Variants in PDE4D observed in about 807,000 individuals in gnomAD.
The protein encoded by PDE4D is 3',5'-cyclic-AMP phosphodiesterase 4D.
In PDE4D, 24 loss-of-function variants were observed where a neutral mutation model predicts 87.4. The ratio of observed to expected loss-of-function variants is 0.27; its 90% CI spans 0.20 to 0.39. PDE4D has a LOEUF of 0.39. Among genes scored for constraint, PDE4D ranks in the 10% least tolerant of loss-of-function variants. The pLI is 1.00. For missense variants in PDE4D, 714 were observed against 1,041.0 expected (o/e 0.69, Z 4.32); for synonymous variants, 384 against 383.2 (o/e 1.00, Z -0.02).
chr5:59,852,447 G>T (rs556563521), intron 1 of PDE4D, among the ~76,000 whole-genome samples: 1 of 152,138 alleles, frequency 6.6e-6, no homozygotes, highest in Admixed American at 6.5e-5. Flanking sequence ...GCTGCCCCAT[G>T]GAGAAGACCA....
intron 1 of PDE4D, among the ~76,000 whole-genome samples, chr5:60,197,025 A>T (rs1741295669): frequency 1.4e-5 from 1 of 73,776 alleles, no homozygotes; most frequent in Non-Finnish European, 2.6e-5. Context: ...AGGCAGATAG[A>T]TAGATAGATA....
intron 1 of PDE4D, among the ~76,000 whole-genome samples, chr5:59,846,561 C>T (rs1743886751): frequency 6.6e-6 from 1 of 151,974 alleles, no homozygotes; most frequent in African/African-American, 2.4e-5. Flanking sequence ...TCAGAACCAT[C>T]GAGTAGACCA....
intron 1 of PDE4D, among the ~76,000 whole-genome samples, chr5:59,567,565 C>T (rs1206411209): frequency 2.0e-5 from 3 of 152,042 alleles, no homozygotes; most frequent in South Asian, 2.1e-4. Context: ...TTTTTATGTA[C>T]AGAAAAACAT....
intron 11 of PDE4D, among the ~76,000 whole-genome samples, chr5:58,982,796 T>C (rs553453851): frequency 6.6e-6 from 1 of 152,314 alleles, no homozygotes; most frequent in East Asian, 1.9e-4. Context: ...TCTTAGCATG[T>C]TGGGTGATGA....
chr5:59,635,230 A>G (rs767243730), intron 1 of PDE4D, among the ~76,000 whole-genome samples: 2 of 152,242 alleles, frequency 1.3e-5, no homozygotes, highest in Non-Finnish European at 2.9e-5. Flanking sequence ...AAATTCTGAA[A>G]TTGAGGCAGT....
chr5:58,988,622 A>C, intron 10 of PDE4D, 30 bp from the exon 11 acceptor site: 1 of 972,254 alleles, frequency 1.0e-6, no homozygotes. Flanking sequence ...AGATAATATT[A>C]CTATTCTACA....
At chr5:59,054,202 A>G (rs188663458) in intron 5 of PDE4D, among the ~76,000 whole-genome samples, 1 of 152,316 alleles carries the variant, frequency 6.6e-6, no homozygotes, top group East Asian at 1.9e-4. Flanking sequence ...AGTAAACAGT[A>G]GAGAATTTCA....
intron 1 of PDE4D, among the ~76,000 whole-genome samples, chr5:60,345,675 C>T (rs1158531131): frequency 6.6e-6 from 1 of 151,822 alleles, no homozygotes; most frequent in African/African-American, 2.4e-5. Context: ...AATGAACCTG[C>T]CACAAATTAT....
intron 1 of PDE4D, among the ~76,000 whole-genome samples, chr5:60,247,345 C>T (rs572036660): frequency 1.3e-5 from 2 of 151,978 alleles, no homozygotes; most frequent in African/African-American, 4.8e-5. Flanking sequence ...TCTAAGCATC[C>T]GTAGCAGGGA....
intron 2 of PDE4D, among the ~76,000 whole-genome samples, chr5:60,140,205 T>C (rs910776642): frequency 6.6e-6 from 1 of 152,122 alleles, no homozygotes; most frequent in Non-Finnish European, 1.5e-5. Context: ...ATTATATCCA[T>C]GAACTATCGT....
intron 2 of PDE4D, among the ~76,000 whole-genome samples, chr5:60,052,491 C>T (rs1385500456): frequency 1.3e-5 from 2 of 152,116 alleles, no homozygotes; most frequent in Non-Finnish European, 2.9e-5. Context: ...TTCAACACCC[C>T]TTCATGCTAA....
intron 3 of PDE4D, among the ~76,000 whole-genome samples, chr5:59,941,193 C>T (rs1757141518): frequency 6.6e-6 from 1 of 152,114 alleles, no homozygotes; most frequent in Non-Finnish European, 1.5e-5. Context: ...CAGGGAGGTA[C>T]ATCTTTGGGT....
rs557608716 is a variant in PDE4D, at chr5:60,222,805, G to A, written c.-89-37118C>T. Among the ~76,000 whole-genome samples the A allele has an allele frequency of 2.6e-5, 4 of 152,180 alleles. No individual in the cohort carries two copies. The East Asian group carries it at 7.7e-4, about 29-fold the overall frequency. On this transcript the variant is annotated intron_variant, in intron 1 of 16. Coordinates refer to the PDE4D transcript ENST00000502484. ...TTTTTAATATTCCTTTCACAGGACTGTTAATAAGCATTAACCATGGAACTT... is the reference window on the plus strand; with the variant it reads ...TTTTTAATATTCCTTTCACAGGACTATTAATAAGCATTAACCATGGAACTT...
intron 1 of PDE4D, among the ~76,000 whole-genome samples, chr5:60,322,531 C>T (rs1327229767): frequency 1.3e-5 from 2 of 152,080 alleles, no homozygotes; most frequent in African/African-American, 4.8e-5. Context: ...GATATAATTC[C>T]CAGTAGGTGA....
chr5:60,443,708 C>G (rs441391), intron 1 of PDE4D, among the ~76,000 whole-genome samples: 16,075 of 152,140 alleles, frequency 0.11, 1,428 homozygotes, highest in East Asian at 0.43. Context: ...GCAGTATGAA[C>G]AGAGGGAACC....
chr5:59,643,192 C>T (rs298030), intron 1 of PDE4D, among the ~76,000 whole-genome samples: 122,629 of 152,104 alleles, frequency 0.81, 49,632 homozygotes, highest in South Asian at 0.91. Context: ...TGCTGGAGAG[C>T]TTCCAGGTCC....
intron 1 of PDE4D, among the ~76,000 whole-genome samples, chr5:59,536,322 G>A (rs965114457): frequency 2.0e-5 from 3 of 151,756 alleles, no homozygotes; most frequent in South Asian, 2.1e-4. Context: ...TGGCTAACAC[G>A]ATGAAACCCT....
At chr5:59,755,049 T>C (rs1226786796) in intron 1 of PDE4D, among the ~76,000 whole-genome samples, 2 of 152,166 alleles carry the variant, frequency 1.3e-5, no homozygotes, top group East Asian at 1.9e-4. Context: ...TTTGAGGTTG[T>C]ACAAAGATGG....
At chr5:60,055,319 G>T (rs1229720977) in intron 2 of PDE4D, among the ~76,000 whole-genome samples, 1 of 152,024 alleles carries the variant, frequency 6.6e-6, no homozygotes, top group Non-Finnish European at 1.5e-5. Context: ...AGGAGTCTTA[G>T]CCAAGGAGCA....
Sources: allele counts gnomAD v4.1 joint callset (sites outside exome capture counted in the v4.1 genomes callset), GRCh38; gene constraint gnomAD v4.1.1; transcripts MANE v1.5; gene names NCBI Gene and HGNC (gene_info 2026-07-23, HGNC 2026-07-21).